LRRC8A: variants seen among roughly 807,000 people sequenced by gnomAD.
LRRC8A encodes the protein leucine rich repeat containing 8 VRAC subunit A.
In LRRC8A, 24 loss-of-function variants were observed where a neutral mutation model predicts 52.5. That is an observed-to-expected ratio of 0.46 (90% CI 0.33 to 0.64). The LOEUF (loss-of-function observed/expected upper bound fraction) is 0.64, where lower values mean the gene tolerates loss of function less well. Among genes scored for constraint, LRRC8A ranks in the 30% least tolerant of loss-of-function variants. The pLI is 0.02. For synonymous variants in LRRC8A, 492 were observed against 494.2 expected, an observed-to-expected ratio of 1.00 and a Z score of 0.06; for missense variants, 677 against 1,094.7, an observed-to-expected ratio of 0.62 and a Z score of 5.38.
intron 2 of LRRC8A, among the ~76,000 whole-genome samples, chr9:128,889,912 C>G (rs1371102432): frequency 2.6e-5 from 4 of 152,032 alleles, no homozygotes; most frequent in Non-Finnish European, 5.9e-5. Context: ...AAGTGATTCT[C>G]CTGTCTCAGC....
intron 1 of LRRC8A, chr9:128,882,509 A>C (rs1332079362): frequency 2.6e-6 from 1 of 391,540 alleles, no homozygotes; most frequent in Admixed American, 4.5e-5. Flanking sequence ...CTTGTGCTTC[A>C]GAAACCAGGA....
intron 1 of LRRC8A, chr9:128,882,500 T>C (rs980632567): frequency 1.6e-5 from 6 of 386,626 alleles, no homozygotes; most frequent in Admixed American, 9.0e-5. Flanking sequence ...CTGTGCCTCC[T>C]TGTGCTTCAG....
At position 128,902,274 on chromosome 9, in the gene LRRC8A, T is replaced by TGG. The variant is rs746038113; in HGVS notation, c.-8-4880_-8-4879dup. 2.2e-4 allele frequency among the ~76,000 whole-genome samples: 33 copies of TGG among 152,252 alleles called. No homozygotes were observed. Among genetic ancestry groups the TGG allele is most frequent in the Non-Finnish European group, 4.7e-4 (32 of 68,012 alleles). The stretch of plus-strand genomic sequence containing the variant: ...GATGTTCCCAGACCAAGCACGGAGT[T>TGG]GGGGCGGGTGGTCAGAATCAGACCT... On this transcript the variant is annotated intron_variant, in intron 2 of 3. Coordinates refer to ENST00000372600, the MANE Select transcript of LRRC8A (RefSeq NM_019594.4). The surrounding 1 kb of genome is among the most constrained non-coding windows in gnomAD (Gnocchi z 4.1).
intron 2 of LRRC8A, among the ~76,000 whole-genome samples, chr9:128,894,373 A>G (rs181489233): frequency 2.6e-5 from 4 of 152,030 alleles, no homozygotes; most frequent in Admixed American, 2.0e-4. Flanking sequence ...AGTCCCAGCT[A>G]CTTGGGAGGC....
At chr9:128,914,806 T>C (rs1177494226) in intron 3 of LRRC8A, among the ~76,000 whole-genome samples, 2 of 152,186 alleles carry the variant, frequency 1.3e-5, no homozygotes, top group East Asian at 3.9e-4. Flanking sequence ...TAAGAACTCA[T>C]GGCCCCAGCT....
Position 128,917,254 on chromosome 9 carries a change from G to C in LRRC8A, c.*883G>C, listed in dbSNP as rs1426058422. On this transcript the variant is annotated 3_prime_UTR_variant, in exon 4 of 4. Coordinates refer to ENST00000372600, the MANE Select transcript of LRRC8A (RefSeq NM_019594.4). ...GGGTGCAGGGTGTCTTCCGGATCTG[G>C]TGTGACCTTGGTCCAGGAGTTCTAT... The C allele has an allele frequency of 6.6e-6, 1 of 152,532 alleles. No individual in the cohort carries two copies. Among genetic ancestry groups the C allele is most frequent in the Non-Finnish European group, 1.5e-5 (1 of 68,026 alleles). 9.4% of individuals were successfully genotyped at this position (152,532 alleles called of 1,614,324 possible). A position where few individuals can be genotyped will look rare whatever the true frequency, so the allele number is the denominator to read the frequency against.
chr9:128,905,761 T>C (rs1840221340), intron 2 of LRRC8A, among the ~76,000 whole-genome samples: 1 of 152,082 alleles, frequency 6.6e-6, no homozygotes, highest in Non-Finnish European at 1.5e-5. Flanking sequence ...GGAGAATCAC[T>C]TGAACCCTGG....
At chr9:128,910,250 CAT>C (rs1340039485) in intron 3 of LRRC8A, among the ~76,000 whole-genome samples, 2 of 152,198 alleles carry the variant, frequency 1.3e-5, no homozygotes, top group South Asian at 2.1e-4. Flanking sequence ...TGTAGTGAGA[CAT>C]GTGGTGGAGG....
chr9:128,890,034 C>T (rs1199973907), intron 2 of LRRC8A, among the ~76,000 whole-genome samples: 1 of 151,888 alleles, frequency 6.6e-6, no homozygotes, highest in African/African-American at 2.4e-5. Flanking sequence ...AACTCCTGAC[C>T]TCAGGTGATC....
At position 128,907,960 on chromosome 9, in the gene LRRC8A, C is replaced by T. The variant is rs756428984; in HGVS notation, c.796C>T (p.Arg266Trp). 4.3e-6 allele frequency: 7 copies of T among 1,614,114 alleles called. No homozygotes were observed. Among genetic ancestry groups the T allele is most frequent in the Non-Finnish European group, 5.9e-6 (7 of 1,180,018 alleles). ...EGDIVYRLYMRQTIIKVIKFI... is the reference protein window; with the variant it reads ...EGDIVYRLYMWQTIIKVIKFI... ...GGACATTGTGTACCGCCTCTACATGCGGCAGACCATCATCAAGGTGATCAA... is the reference window on the plus strand; with the variant it reads ...GGACATTGTGTACCGCCTCTACATGTGGCAGACCATCATCAAGGTGATCAA... Residue 266 changes from arginine to tryptophan, a missense_variant, in exon 3 of 4, where the codon CGG becomes TGG. Arg to Trp is a moderately radical substitution (Grantham distance 101). Coordinates refer to ENST00000372600, the MANE Select transcript of LRRC8A (RefSeq NM_019594.4). This position sits in a 1 kb window ranked among gnomAD's most constrained non-coding sequence, Gnocchi z 9.3.
intron 2 of LRRC8A, among the ~76,000 whole-genome samples, chr9:128,901,641 G>A (rs1262733686): frequency 6.6e-6 from 1 of 152,144 alleles, no homozygotes; most frequent in Non-Finnish European, 1.5e-5. Context: ...GCCCTGCGTG[G>A]TATCATGCCC....
rs1266419474 is a variant in LRRC8A at position 128,911,949 on chromosome 9, G to A, written c.2157+2628G>A. ...TCCTTCTCAGCCACCTTGGCCAGTG[G>A]TGACCAGGAGGGGTGGGCGTGGCCT... is the stretch of plus-strand genomic sequence containing the variant. On this transcript the variant is annotated intron_variant, in intron 3 of 3. Transcript: ENST00000372600. This position sits in a 1 kb window ranked among gnomAD's most constrained non-coding sequence, Gnocchi z 4.9. 2.0e-5 allele frequency among the ~76,000 whole-genome samples: 3 copies of A among 152,264 alleles called. No individual in the cohort carries two copies. In the East Asian group the frequency reaches 5.8e-4, roughly 29 times the overall value.
intron 1 of LRRC8A, among the ~76,000 whole-genome samples, chr9:128,883,109 A>G (rs1357430167): frequency 6.6e-6 from 1 of 152,108 alleles, no homozygotes; most frequent in Non-Finnish European, 1.5e-5. Context: ...GTTGTCTGGT[A>G]GCCGCCTCCT....
Position 128,916,122 on chromosome 9 carries a change from C to A in LRRC8A, c.2184C>A (p.Phe728Leu), listed in dbSNP as rs1840804909. 6.2e-7 allele frequency: 1 copy of A among 1,611,500 alleles called. No individual in the cohort carries two copies. Among genetic ancestry groups the A allele is most frequent in the African/African-American group, 1.3e-5 (1 of 75,028 alleles). ...TCGAGACGCTCCCTCCGGAGCTCTTCCAGTGCCGGAAGCTGCGGGCCCTGC... is the reference window on the plus strand; with the variant it reads ...TCGAGACGCTCCCTCCGGAGCTCTTACAGTGCCGGAAGCTGCGGGCCCTGC... ...NRIETLPPEL[F>L]QCRKLRALHL... Residue 728 changes from phenylalanine (F) to leucine (L), a missense_variant, in exon 4 of 4, where the codon TTC becomes TTA. Around this residue, in one of 4 missense-constraint regions of LRRC8A, gnomAD observed 169 missense variants for 217.6 expected, o/e 0.78. Transcript: ENST00000372600. This position sits in a 1 kb window ranked among gnomAD's most constrained non-coding sequence, Gnocchi z 6.1.
Position 128,899,311 on chromosome 9 carries a change from C to A in LRRC8A, c.-8-7846C>A, listed in dbSNP as rs902527088. Among the ~76,000 whole-genome samples, 1 of 152,050 alleles carries A rather than the reference C, an allele frequency of 6.6e-6. No homozygotes were observed. Among genetic ancestry groups the A allele is most frequent in the Non-Finnish European group, 1.5e-5 (1 of 67,996 alleles). The stretch of plus-strand genomic sequence containing the variant: ...CGTAAGGCAGAGATAGCCCAGCCAC[C>A]CCCACCCCACGCCTCAAAGGCTCCC... On this transcript the variant is annotated intron_variant, in intron 2 of 3. Coordinates refer to ENST00000372600, the MANE Select transcript of LRRC8A (RefSeq NM_019594.4). The surrounding 1 kb of genome is among the most constrained non-coding windows in gnomAD (Gnocchi z 4.0).
rs1840822215 is a variant in LRRC8A, at chr9:128,916,395, G to A, written c.*24G>A. On this transcript the variant is annotated 3_prime_UTR_variant, in exon 4 of 4. Transcript: ENST00000372600. The surrounding 1 kb of genome is among the most constrained non-coding windows in gnomAD (Gnocchi z 6.1). ...GAGCGAGGCCGGCCCAGCACAGCAA[G>A]CAGCAGGACCGCTGCCCAGTCCTCA... The A allele has an allele frequency of 2.5e-6, 4 of 1,595,520 alleles. No homozygotes were observed. The East Asian group carries it at 6.7e-5, about 27-fold the overall frequency.
At position 128,911,912 on chromosome 9, in the gene LRRC8A, G is replaced by A. The variant is rs943135441; in HGVS notation, c.2157+2591G>A. Among the ~76,000 whole-genome samples the A allele has an allele frequency of 1.3e-5, 2 of 152,224 alleles. No individual in the cohort carries two copies. Among genetic ancestry groups the A allele is most frequent in the African/African-American group, 4.8e-5 (2 of 41,456 alleles). On this transcript the variant is annotated intron_variant, in intron 3 of 3. Transcript: ENST00000372600. The surrounding 1 kb of genome is among the most constrained non-coding windows in gnomAD (Gnocchi z 4.9). ...CCTGAGCCCCTCTTCCTCCTCACTC[G>A]GGCTTGATGGCTCCTTCTCAGCCAC... is the stretch of plus-strand genomic sequence containing the variant.
At chr9:128,910,677 G>C (rs1840478146) in intron 3 of LRRC8A, among the ~76,000 whole-genome samples, 1 of 152,168 alleles carries the variant, frequency 6.6e-6, no homozygotes, top group South Asian at 2.1e-4. Context: ...GCAATAGAGT[G>C]AGACCCAGTC....
intron 2 of LRRC8A, among the ~76,000 whole-genome samples, chr9:128,895,460 A>G (rs1353098667): frequency 6.6e-6 from 1 of 152,172 alleles, no homozygotes; most frequent in Non-Finnish European, 1.5e-5. Context: ...CATGTCCCAA[A>G]CTCCAAGTCC....
Sources: allele counts gnomAD v4.1 joint callset (sites outside exome capture counted in the v4.1 genomes callset), GRCh38; gene constraint gnomAD v4.1.1; regional missense constraint gnomAD v4.1.1; non-coding constraint Gnocchi (gnomAD v3.1); transcripts MANE v1.5; gene names NCBI Gene and HGNC (gene_info 2026-07-23, HGNC 2026-07-21).